The following TSNARE1 variants were observed in gnomAD, a reference collection of about 807,000 sequenced individuals.
TSNARE1 encodes the protein t-SNARE domain-containing protein 1.
A neutral mutation model predicts 62.0 loss-of-function variants in TSNARE1; 49 were observed. The observed-to-expected ratio is 0.79, with a 90% CI of 0.63 to 1.00. The LOEUF (loss-of-function observed/expected upper bound fraction) is 1.00. TSNARE1 is among the 50% of genes least tolerant of loss of function. The pLI, the probability that TSNARE1 is intolerant of heterozygous loss-of-function variation, is 0.00. For synonymous variants in TSNARE1, 328 were observed against 294.4 expected, an observed-to-expected ratio of 1.11 and a Z score of -1.17; for missense variants, 755 against 700.1, an observed-to-expected ratio of 1.08 and a Z score of -0.88.
chr8:142,278,018 G>A (rs1429854475), intron 11 of TSNARE1: 3 of 985,264 alleles, frequency 3.0e-6, no homozygotes, highest in African/African-American at 1.7e-5. Context: ...AGGAGACAAT[G>A]TGGCCTCAAT....
chr8:142,314,276 T>A, intron 9 of TSNARE1, 108 bp downstream of exon 9: 1 of 1,055,284 alleles, frequency 9.5e-7, no homozygotes, highest in Non-Finnish European at 1.4e-6. Flanking sequence ...GCCCCTCAGA[T>A]GACACCCCTG....
At chr8:142,236,307 G>A (rs1563767699) in intron 12 of TSNARE1, among the ~76,000 whole-genome samples, 1 of 151,882 alleles carries the variant, frequency 6.6e-6, no homozygotes, top group Non-Finnish European at 1.5e-5. Context: ...TCAGAGGCGG[G>A]CAGACAGAGG....
intron 12 of TSNARE1, among the ~76,000 whole-genome samples, chr8:142,253,143 G>A (rs1230028528): frequency 6.6e-6 from 1 of 152,186 alleles, no homozygotes; most frequent in Non-Finnish European, 1.5e-5. Context: ...GCTCTGCCAC[G>A]GGTGAGAGTG....
In TSNARE1 at chr8:142,353,683, C is replaced by A. The variant is rs567704129; in HGVS notation, c.88+954G>T. On this transcript the variant is annotated intron_variant, in intron 2 of 13. Transcript: ENST00000524325. ...CAAGGAGCCAGCGAGGGCCCCTCAGCCGGCCTCATTCCCTGAACAGGCCCC... is the reference window on the plus strand; with the variant it reads ...CAAGGAGCCAGCGAGGGCCCCTCAGACGGCCTCATTCCCTGAACAGGCCCC... Among the ~76,000 whole-genome samples, 86 of 152,306 alleles carry A rather than the reference C, an allele frequency of 5.6e-4. 4 individuals carry two copies. The South Asian group carries it at 0.018, about 31-fold the overall frequency.
At chr8:142,310,851 TTTTTG>T (rs1053170767) in intron 9 of TSNARE1, among the ~76,000 whole-genome samples, 1 of 152,162 alleles carries the variant, frequency 6.6e-6, no homozygotes, top group Non-Finnish European at 1.5e-5. Context: ...TTTTTGCTTG[TTTTTG>T]TTTTTTCTTT....
intron 10 of TSNARE1, among the ~76,000 whole-genome samples, chr8:142,288,257 G>A (rs756606589): frequency 1.3e-5 from 2 of 152,186 alleles, no homozygotes; most frequent in African/African-American, 2.4e-5. Flanking sequence ...CCTGAGGCTC[G>A]GCCTCAGTGT....
chr8:142,344,235 C>T lies in TSNARE1; in HGVS notation c.476G>A (p.Arg159His), dbSNP rs577429987. 6.2e-6 allele frequency: 10 copies of T among 1,612,714 alleles called. No individual in the cohort carries two copies. The East Asian group carries it at 6.7e-5, about 11-fold the overall frequency. The change falls in exon 4 of 14, where the codon CGC becomes CAC. Residue 159 changes from arginine to histidine, a missense_variant. By Grantham distance (29) the Arg-to-His change is conservative. Coordinates refer to ENST00000524325, the MANE Select transcript of TSNARE1 (RefSeq NM_145003.5). Reference sequence around the variant, plus strand: ...GATGCGGCTCCACACGCGGTACCTGCGAGTGGGCTCGGCCTTCAGCAGCCC... The same window carrying T: ...GATGCGGCTCCACACGCGGTACCTGTGAGTGGGCTCGGCCTTCAGCAGCCC... ...GTGLLKAEPT[R>H]RYRVWSRILQ...
At chr8:142,307,795 G>A (rs980417980) in intron 9 of TSNARE1, among the ~76,000 whole-genome samples, 4 of 152,144 alleles carry the variant, frequency 2.6e-5, no homozygotes, top group East Asian at 1.9e-4. Context: ...TGATATTCTC[G>A]AACAGTGTTC....
intron 12 of TSNARE1, chr8:142,273,539 C>T (rs1819941300): frequency 1.0e-6 from 1 of 985,332 alleles, no homozygotes; most frequent in South Asian, 4.7e-5. Flanking sequence ...TGCAGGTGAC[C>T]TTGGCACAGC....
In TSNARE1 at chr8:142,380,324, C is replaced by A. The variant is rs117452883; in HGVS notation, c.-40+22780G>T. ...ATGGCCAACGGCCCCTTCCTCCTTC[C>A]GGGCACCACCGGACACAGCAGCAGC... On this transcript the variant is annotated intron_variant, in intron 1 of 13. Transcript: ENST00000524325. Among the ~76,000 whole-genome samples the A allele has an allele frequency of 1.0e-2, 1,519 of 152,312 alleles. 13 individuals are homozygous for A. Among genetic ancestry groups the A allele is most frequent in the Admixed American group, 0.015 (223 of 15,304 alleles).
chr8:142,278,408 C>T (rs994942744), intron 11 of TSNARE1: 8 of 985,370 alleles, frequency 8.1e-6, no homozygotes, highest in African/African-American at 1.7e-5. Context: ...CTCTGTGGCC[C>T]TCAAGGAGCT....
chr8:142,376,915 A>C (rs1836387809), intron 1 of TSNARE1, among the ~76,000 whole-genome samples: 3 of 152,174 alleles, frequency 2.0e-5, no homozygotes, highest in Admixed American at 2.0e-4. Flanking sequence ...GAGCAGGGAG[A>C]GCCACACAGG....
chr8:142,216,929 G>A (rs376132859), intron 13 of TSNARE1, among the ~76,000 whole-genome samples: 3 of 152,220 alleles, frequency 2.0e-5, no homozygotes, highest in African/African-American at 2.4e-5. Context: ...GAGAGGAGAC[G>A]GTAGGTGAAC....
intron 12 of TSNARE1, chr8:142,272,502 A>G (rs927269509): frequency 3.8e-6 from 1 of 260,026 alleles, no homozygotes; most frequent in Admixed American, 8.9e-5. Context: ...TCTTCCATCC[A>G]TCCACCACCC....
intron 6 of TSNARE1, among the ~76,000 whole-genome samples, chr8:142,323,137 G>A (rs1445316800): frequency 1.3e-5 from 2 of 152,224 alleles, no homozygotes; most frequent in Non-Finnish European, 2.9e-5. Flanking sequence ...GCCTAGCCAT[G>A]TCTGTGGGCT....
intron 12 of TSNARE1, among the ~76,000 whole-genome samples, chr8:142,237,650 A>G (rs1229166725): frequency 6.6e-6 from 1 of 152,206 alleles, no homozygotes; most frequent in East Asian, 1.9e-4. Flanking sequence ...GTGCACAGGC[A>G]TACTCTCCTT....
chr8:142,329,398 G>A (rs186626077), intron 6 of TSNARE1, among the ~76,000 whole-genome samples: 2 of 152,332 alleles, frequency 1.3e-5, no homozygotes, highest in African/African-American at 4.8e-5. Flanking sequence ...AGCTAACCAG[G>A]CCGGGCGGCC....
At position 142,319,679 on chromosome 8, in the gene TSNARE1, G is replaced by A. The variant is rs775207821; in HGVS notation, c.894-1045C>T. On this transcript the variant is annotated intron_variant, in intron 6 of 13. Coordinates refer to ENST00000524325, the MANE Select transcript of TSNARE1 (RefSeq NM_145003.5). The surrounding 1 kb of genome is among the most constrained non-coding windows in gnomAD (Gnocchi z 4.9). ...ACCAAGCAGGCCTTGGGGCCGACAC[G>A]TGGGAGCGAGCCTGGCACCACCACT... 5.1e-4 allele frequency among the ~76,000 whole-genome samples: 78 copies of A among 152,256 alleles called. 1 individual carries two copies. Among genetic ancestry groups the A allele is most frequent in the South Asian group, 1.7e-3 (8 of 4,828 alleles).
At chr8:142,316,315 C>T (rs1828520969) in intron 7 of TSNARE1, among the ~76,000 whole-genome samples, 2 of 151,720 alleles carry the variant, frequency 1.3e-5, no homozygotes, top group Admixed American at 6.7e-5. Flanking sequence ...GCAGGGCAGC[C>T]ATGGCTATGA....
Sources: allele counts gnomAD v4.1 joint callset (sites outside exome capture counted in the v4.1 genomes callset), GRCh38; gene constraint gnomAD v4.1.1; non-coding constraint Gnocchi (gnomAD v3.1); transcripts MANE v1.5; gene names NCBI Gene and HGNC (gene_info 2026-07-23, HGNC 2026-07-21).